The following SLC35B4 variants were observed in gnomAD, a reference collection of about 807,000 sequenced individuals.
SLC35B4 encodes the protein solute carrier family 35 member B4, also known as nucleotide sugar transporter SLC35B4.
SLC35B4 carries 28 observed loss-of-function variants against 39.5 expected under a neutral mutation model. That is an observed-to-expected ratio of 0.71 (90% CI 0.53 to 0.97). The LOEUF is 0.97. Ranked by LOEUF, SLC35B4 falls within the 50% of genes least tolerant of loss-of-function variation. The pLI, the probability that SLC35B4 is intolerant of heterozygous loss-of-function variation, is 0.00. For missense variants in SLC35B4, 334 were observed against 414.3 expected, an observed-to-expected ratio of 0.81 and a Z score of 1.68; for synonymous variants, 145 against 150.4, an observed-to-expected ratio of 0.96 and a Z score of 0.26.
intron 8 of SLC35B4, among the ~76,000 whole-genome samples, chr7:134,298,263 C>T (rs1475177351): frequency 2.0e-5 from 3 of 152,122 alleles, no homozygotes; most frequent in African/African-American, 7.2e-5. Flanking sequence ...AGGAAGTTAA[C>T]AAACGTGATT....
chr7:134,308,537 T>A (rs1422598646), intron 2 of SLC35B4, among the ~76,000 whole-genome samples: 2 of 152,200 alleles, frequency 1.3e-5, no homozygotes, highest in African/African-American at 4.8e-5. Context: ...AAGTATAATA[T>A]TAACAAAATT....
At chr7:134,310,644 G>C (rs1646665) in intron 1 of SLC35B4, among the ~76,000 whole-genome samples, 20 of 151,040 alleles carry the variant, frequency 1.3e-4, no homozygotes, top group South Asian at 2.1e-4. Flanking sequence ...TCCCGGGTTC[G>C]TGCCATTCTC....
In SLC35B4 at chr7:134,308,045, A is replaced by G. The variant is rs530290634; in HGVS notation, c.192-1271T>C. Among the ~76,000 whole-genome samples the G allele has an allele frequency of 2.0e-5, 3 of 152,256 alleles. No homozygotes were observed. The East Asian group carries it at 5.8e-4, about 29-fold the overall frequency. On this transcript the variant is annotated intron_variant, in intron 2 of 9. Coordinates refer to ENST00000378509, the MANE Select transcript of SLC35B4 (RefSeq NM_032826.5). The stretch of plus-strand genomic sequence containing the variant: ...GCTTGCCTAGAAATTGTGGATGGGG[A>G]TGAACGACATGAGCAAAATTTTGTT...
At chr7:134,309,190 C>T (rs1052537199) in intron 2 of SLC35B4, among the ~76,000 whole-genome samples, 176 bp downstream of exon 2, 7 of 152,114 alleles carry the variant, frequency 4.6e-5, no homozygotes, top group Admixed American at 3.3e-4. Flanking sequence ...ATTTTATTTT[C>T]GAAGTAGGTA....
chr7:134,315,013 A>G (rs777748785), intron 1 of SLC35B4, among the ~76,000 whole-genome samples: 2 of 152,206 alleles, frequency 1.3e-5, no homozygotes, highest in Non-Finnish European at 2.9e-5. Flanking sequence ...CCGTAACAGC[A>G]AAACTTAACC....
Position 134,301,465 on chromosome 7 carries a change from C to T in SLC35B4, c.487+296G>A, listed in dbSNP as rs978220223. ...ACTTGGCAGACAGATCGTGAAGAGA[C>T]GGATGACATTCAAAGGATGTGATGT... On this transcript the variant is annotated intron_variant, in intron 6 of 9. Transcript: ENST00000378509. Among the ~76,000 whole-genome samples, 27 of 152,164 alleles carry T rather than the reference C, an allele frequency of 1.8e-4. 1 individual carries two copies. Among genetic ancestry groups the T allele is most frequent in the African/African-American group, 5.5e-4 (23 of 41,444 alleles).
chr7:134,314,303 T>C (rs879270210), intron 1 of SLC35B4, among the ~76,000 whole-genome samples: 6 of 152,184 alleles, frequency 3.9e-5, no homozygotes, highest in Non-Finnish European at 8.8e-5. Flanking sequence ...TCTGTGAAGC[T>C]GGTAGAACCA....
chr7:134,315,246 G>C (rs1803946179), intron 1 of SLC35B4, among the ~76,000 whole-genome samples: 2 of 152,134 alleles, frequency 1.3e-5, no homozygotes, highest in Non-Finnish European at 2.9e-5. Context: ...GTAGTGAAGG[G>C]TCACCTAACT....
chr7:134,317,499 T>C (rs1002058461), upstream of SLC35B4, among the ~76,000 whole-genome samples: 1 of 152,206 alleles, frequency 6.6e-6, no homozygotes, highest in African/African-American at 2.4e-5. Context: ...TTAAAGGTGA[T>C]CTATTGATAT....
chr7:134,306,978 TA>T (rs1293770131), intron 2 of SLC35B4, among the ~76,000 whole-genome samples: 2 of 152,208 alleles, frequency 1.3e-5, no homozygotes, highest in Non-Finnish European at 2.9e-5. Context: ...ATCTAAGTTA[TA>T]AAATACATTT....
At chr7:134,303,150 G>A (rs2544216) in intron 4 of SLC35B4, among the ~76,000 whole-genome samples, 76,137 of 151,506 alleles carry the variant, frequency 0.5, 19,605 homozygotes, top group African/African-American at 0.6. Context: ...AATTTACTCT[G>A]TTGGAAAGTT....
chr7:134,306,526 A>G (rs560363234), intron 3 of SLC35B4, 146 bp downstream of exon 3: 2 of 512,318 alleles, frequency 3.9e-6, no homozygotes, highest in African/African-American at 3.9e-5. Flanking sequence ...CTCAGATGAA[A>G]GCCACCCTTG....
At chr7:134,319,741 A>G (rs1804064635), upstream of SLC35B4, among the ~76,000 whole-genome samples, 1 of 152,182 alleles carries the variant, frequency 6.6e-6, no homozygotes, top group African/African-American at 2.4e-5. Flanking sequence ...CCTCCCTAAT[A>G]GGCCTTTATT....
chr7:134,294,623 G>C lies in SLC35B4; in HGVS notation c.*210C>G, dbSNP rs1053926276. On this transcript the variant is annotated 3_prime_UTR_variant, in exon 10 of 10. Transcript: ENST00000378509. Reference sequence around the variant, plus strand: ...ATGGGCTGTTCAATAGTCCAGAACTGTTCTTTTTTCTATTTTAGGGCTGAG... The same window carrying C: ...ATGGGCTGTTCAATAGTCCAGAACTCTTCTTTTTTCTATTTTAGGGCTGAG... 1.8e-6 allele frequency: 1 copy of C among 557,706 alleles called. No homozygotes were observed. Among genetic ancestry groups the C allele is most frequent in the Non-Finnish European group, 3.2e-6 (1 of 315,734 alleles). The allele number at this position is 557,706 out of a possible 1,614,324, so 34.5% of individuals were successfully genotyped here.
chr7:134,318,469 A>G (rs557856482), upstream of SLC35B4, among the ~76,000 whole-genome samples: 2 of 109,960 alleles, frequency 1.8e-5, no homozygotes, highest in East Asian at 2.2e-4. Flanking sequence ...ACATATATAC[A>G]CACACACATA....
chr7:134,306,820 A>T, intron 2 of SLC35B4, 46 bp from the exon 3 acceptor site: 1 of 1,480,506 alleles, frequency 6.8e-7, no homozygotes, highest in Non-Finnish European at 9.3e-7. Context: ...CTAGGATTTC[A>T]AGAAAATCAA....
At chr7:134,298,597 G>T (rs1803518292) in intron 8 of SLC35B4, among the ~76,000 whole-genome samples, 1 of 152,182 alleles carries the variant, frequency 6.6e-6, no homozygotes, top group South Asian at 2.1e-4. Flanking sequence ...ACTTCTCAGA[G>T]ATCTTAAAAA....
intron 5 of SLC35B4, 83 bp from the exon 6 acceptor site, chr7:134,301,904 C>G: frequency 6.7e-7 from 1 of 1,493,892 alleles, no homozygotes; most frequent in South Asian, 1.1e-5. Context: ...TTTATGTTAC[C>G]CATTTCCCTC....
chr7:134,302,278 A>T (rs559201787), intron 4 of SLC35B4, among the ~76,000 whole-genome samples, 168 bp from the exon 5 acceptor site: 14 of 152,258 alleles, frequency 9.2e-5, no homozygotes, highest in Non-Finnish European at 1.8e-4. Flanking sequence ...ATGAATCAGG[A>T]TACTGACTAG....
Sources: gnomAD v4.1 joint callset for allele counts (sites outside exome capture counted in the v4.1 genomes callset) on GRCh38, gnomAD v4.1.1 for gene constraint, MANE v1.5 for transcripts, NCBI Gene and HGNC (gene_info 2026-07-23, HGNC 2026-07-21) for gene names.